The following SPATA17 variants were observed in gnomAD, a reference collection of about 807,000 sequenced individuals.
SPATA17 encodes the protein spermatogenesis associated 17.
SPATA17 carries 53 observed loss-of-function variants against 62.2 expected under a neutral mutation model. That is an observed-to-expected ratio of 0.85 (90% CI 0.68 to 1.07). The LOEUF is 1.07. SPATA17 is among the 50% of genes least tolerant of loss of function. The probability of loss-of-function intolerance (pLI) is 0.00; values close to 1 mark genes in which losing one functional copy is unlikely to be tolerated. For missense variants in SPATA17, 466 were observed against 425.5 expected, an observed-to-expected ratio of 1.10 and a Z score of -0.84; for synonymous variants, 146 against 146.8, an observed-to-expected ratio of 0.99 and a Z score of 0.04.
At chr1:217,814,327 C>A (rs932078875) in intron 9 of SPATA17, among the ~76,000 whole-genome samples, 1 of 152,158 alleles carries the variant, frequency 6.6e-6, no homozygotes, top group African/African-American at 2.4e-5. Context: ...TTATTAATAG[C>A]TGTACAGCTC....
Position 217,743,606 on chromosome 1 carries a change from C to CT in SPATA17, c.519+1519dup, listed in dbSNP as rs888296945. ...CAATTTTTAAAATAGTGAAATCATT[C>CT]TTTTTTTTTTTAAGAGGGAGCAAAA... On this transcript the variant is annotated intron_variant, in intron 6 of 10. Transcript: ENST00000366933. Among the ~76,000 whole-genome samples the CT allele has an allele frequency of 4.0e-3, 575 of 145,078 alleles. 3 individuals are homozygous for CT. The highest frequency in any genetic ancestry group is 0.021 in the Middle Eastern group (6 of 282).
At chr1:217,750,125 T>A (rs1238692039) in intron 6 of SPATA17, among the ~76,000 whole-genome samples, 1 of 151,052 alleles carries the variant, frequency 6.6e-6, no homozygotes, top group Non-Finnish European at 1.5e-5. Flanking sequence ...ACGTTGAATT[T>A]GACTGTTACT....
chr1:217,773,658 T>A (rs527498071), intron 6 of SPATA17, among the ~76,000 whole-genome samples: 58 of 152,240 alleles, frequency 3.8e-4, no homozygotes, highest in African/African-American at 1.4e-3. Flanking sequence ...ACAAAGTCAT[T>A]GATAGAACAG....
chr1:217,635,380 G>A (rs983156593), intron 1 of SPATA17, among the ~76,000 whole-genome samples: 2 of 152,096 alleles, frequency 1.3e-5, no homozygotes. Flanking sequence ...AGTTCCACAA[G>A]GTGGGGGCCC....
rs563061071 is a variant in SPATA17, at chr1:217,860,887, CTTAT to C, written c.1006-1884_1006-1881del. 7.9e-5 allele frequency among the ~76,000 whole-genome samples: 12 copies of C among 152,142 alleles called. 1 individual carries two copies. In the South Asian group the frequency reaches 2.5e-3, roughly 32 times the overall value. On this transcript the variant is annotated intron_variant, in intron 9 of 10. Transcript: ENST00000366933. ...AAATTTGTAACTTGGTCTTCATTTT[CTTAT>C]TTGTTTTGCTTTTGTCTCCCACTCC...
intron 6 of SPATA17, among the ~76,000 whole-genome samples, chr1:217,770,639 T>C (rs955716905): frequency 1.3e-5 from 2 of 152,104 alleles, no homozygotes; most frequent in Non-Finnish European, 2.9e-5. Context: ...AAAATGGCCA[T>C]AAAAAACATT....
chr1:217,714,421 A>T (rs1371743260), intron 5 of SPATA17, among the ~76,000 whole-genome samples: 1 of 151,742 alleles, frequency 6.6e-6, no homozygotes, highest in Non-Finnish European at 1.5e-5. Flanking sequence ...ATCATGCACT[A>T]TATTTCTGAA....
chr1:217,818,882 CT>C (rs34580904), intron 9 of SPATA17, among the ~76,000 whole-genome samples: 5,844 of 125,328 alleles, frequency 0.047, 244 homozygotes, highest in African/African-American at 0.13. Flanking sequence ...TTTCATTTTC[CT>C]TTTTTTTTTT....
intron 8 of SPATA17, among the ~76,000 whole-genome samples, chr1:217,793,706 G>C (rs1674063238): frequency 6.6e-6 from 1 of 152,136 alleles, no homozygotes; most frequent in Non-Finnish European, 1.5e-5. Flanking sequence ...GGCAGAATAC[G>C]AGTCAGTCAA....
intron 9 of SPATA17, among the ~76,000 whole-genome samples, chr1:217,805,841 A>T (rs1205166309): frequency 2.0e-5 from 3 of 152,236 alleles, no homozygotes; most frequent in African/African-American, 7.2e-5. Context: ...AGAATTTAAT[A>T]TTGTTAAAAT....
intron 6 of SPATA17, among the ~76,000 whole-genome samples, chr1:217,770,667 G>A (rs1673415743): frequency 6.6e-6 from 1 of 152,154 alleles, no homozygotes; most frequent in Admixed American, 6.5e-5. Context: ...GAATAAAATA[G>A]TAGGTGCTCC....
intron 4 of SPATA17, among the ~76,000 whole-genome samples, chr1:217,682,808 T>C (rs1364351152): frequency 2.6e-5 from 4 of 152,132 alleles, no homozygotes; most frequent in African/African-American, 9.7e-5. Flanking sequence ...ATACAAGAAT[T>C]TGTTTAAATA....
chr1:217,696,320 C>T (rs1400522744), intron 5 of SPATA17, among the ~76,000 whole-genome samples: 3 of 152,214 alleles, frequency 2.0e-5, no homozygotes, highest in Non-Finnish European at 4.4e-5. Context: ...TTGAGCTTCC[C>T]AGGTGAGGCA....
intron 6 of SPATA17, among the ~76,000 whole-genome samples, chr1:217,764,428 A>G (rs1332433735): frequency 6.6e-6 from 1 of 152,056 alleles, no homozygotes; most frequent in Non-Finnish European, 1.5e-5. Context: ...ATTGTTTTTT[A>G]GTGCTAAATA....
At chr1:217,632,444 A>ACC (rs1202462433) in intron 1 of SPATA17, among the ~76,000 whole-genome samples, 2 of 152,188 alleles carry the variant, frequency 1.3e-5, no homozygotes. Flanking sequence ...GACATGACAG[A>ACC]CCAATGGAAA....
intron 9 of SPATA17, among the ~76,000 whole-genome samples, chr1:217,804,747 C>T (rs1038367328): frequency 2.0e-5 from 3 of 152,128 alleles, no homozygotes; most frequent in Non-Finnish European, 4.4e-5. Context: ...AGACATTTCT[C>T]AAAAGAAGAC....
rs143345665 is a variant in SPATA17 at position 217,681,624 on chromosome 1, C to T, written c.292-1634C>T. ...ATATTGGCCAGGCTGGTCTCGAACT[C>T]CAGACCTTGTGATCTTCCCGCCTTG... is the stretch of plus-strand genomic sequence containing the variant. On this transcript the variant is annotated intron_variant, in intron 4 of 10. Transcript: ENST00000366933. Among the ~76,000 whole-genome samples, 242 of 152,182 alleles carry T rather than the reference C, an allele frequency of 1.6e-3. 7 individuals carry two copies. The East Asian group carries it at 0.028, about 17-fold the overall frequency.
At chr1:217,662,471 GA>G in intron 3 of SPATA17, among the ~76,000 whole-genome samples, 1 of 152,132 alleles carries the variant, frequency 6.6e-6, no homozygotes, top group Non-Finnish European at 1.5e-5. Flanking sequence ...ATTAAAAAGA[GA>G]AATTATTCAA....
At chr1:217,766,088 G>A (rs1056817354) in intron 6 of SPATA17, among the ~76,000 whole-genome samples, 2 of 151,472 alleles carry the variant, frequency 1.3e-5, no homozygotes, top group Non-Finnish European at 3.0e-5. Context: ...ACTTATAATT[G>A]GGTCTTCTTT....
Sources: allele counts gnomAD v4.1 joint callset (sites outside exome capture counted in the v4.1 genomes callset), GRCh38; gene constraint gnomAD v4.1.1; transcripts MANE v1.5; gene names NCBI Gene and HGNC (gene_info 2026-07-23, HGNC 2026-07-21).